CIMIP4: variants seen among roughly 807,000 people sequenced by gnomAD.
The protein encoded by CIMIP4 is protein EAN57.
the CIMIP4 span, among the ~76,000 whole-genome samples, chr22:37,005,252 C>A: frequency 2.0e-5 from 3 of 152,140 alleles, no homozygotes; most frequent in African/African-American, 7.2e-5. Context: ...GCCTGGATGA[C>A]ACTTTCATTA....
At chr22:36,993,695 C>T in the CIMIP4 span, among the ~76,000 whole-genome samples, 52 of 151,768 alleles carry the variant, frequency 3.4e-4, no homozygotes, top group African/African-American at 1.2e-3. Context: ...CGCCACTGCA[C>T]TCCAGCCTGG....
chr22:37,007,019 G>T, the CIMIP4 span, among the ~76,000 whole-genome samples: 5 of 152,146 alleles, frequency 3.3e-5, no homozygotes, highest in Admixed American at 3.3e-4. Flanking sequence ...AGAGTAGCTG[G>T]ATCCTGCCAT....
chr22:37,001,067 G>C, the CIMIP4 span, among the ~76,000 whole-genome samples: 1 of 152,064 alleles, frequency 6.6e-6, no homozygotes, highest in African/African-American at 2.4e-5. Flanking sequence ...TTGAGATGGT[G>C]GCTTTAAAAA....
the CIMIP4 span, chr22:37,004,132 C>A: frequency 2.6e-5 from 27 of 1,050,234 alleles, no homozygotes; most frequent in Non-Finnish European, 3.6e-5. Flanking sequence ...TCTGCCCGCC[C>A]CTGATCAGAG....
the CIMIP4 span, among the ~76,000 whole-genome samples, chr22:37,002,960 G>T: frequency 6.6e-6 from 1 of 152,108 alleles, no homozygotes; most frequent in African/African-American, 2.4e-5. Context: ...CACAGCCTCC[G>T]CTTCTCTAGG....
chr22:36,994,921 C>G, the CIMIP4 span, among the ~76,000 whole-genome samples: 1 of 152,216 alleles, frequency 6.6e-6, no homozygotes, highest in African/African-American at 2.4e-5. Flanking sequence ...TGAGCCACTG[C>G]GCCCGGCCTG....
At chr22:37,003,734 C>T in the CIMIP4 span, among the ~76,000 whole-genome samples, 28 of 152,296 alleles carry the variant, frequency 1.8e-4, no homozygotes, top group Non-Finnish European at 3.5e-4. Flanking sequence ...GAGACCATAT[C>T]GGGGTGATAA....
chr22:36,998,845 A>C, the CIMIP4 span, among the ~76,000 whole-genome samples: 3 of 152,088 alleles, frequency 2.0e-5, no homozygotes, highest in African/African-American at 7.2e-5. Context: ...AAGAAAAATG[A>C]TAGCCTGACA....
the CIMIP4 span, chr22:36,991,676 C>T: frequency 4.8e-4 from 529 of 1,109,746 alleles, 1 homozygote; most frequent in African/African-American, 7.1e-3. Flanking sequence ...TCAGTTTCCT[C>T]TACGGATGGT....
chr22:36,998,124 A>C, the CIMIP4 span, among the ~76,000 whole-genome samples: 112 of 152,218 alleles, frequency 7.4e-4, no homozygotes, highest in Non-Finnish European at 1.3e-3. Flanking sequence ...GGATGATGGG[A>C]CATGGACATT....
At chr22:36,994,303 G>A in the CIMIP4 span, among the ~76,000 whole-genome samples, 5 of 151,870 alleles carry the variant, frequency 3.3e-5, no homozygotes, top group African/African-American at 1.2e-4. Flanking sequence ...CCTTACCCAA[G>A]AGATTGTTAT....
the CIMIP4 span, chr22:36,999,804 G>A: frequency 6.3e-5 from 100 of 1,593,768 alleles, no homozygotes; most frequent in Middle Eastern, 1.7e-4. Context: ...GGAGACCATG[G>A]GTGTTCACGG....
At chr22:37,003,937 T>C in the CIMIP4 span, 13 of 1,541,628 alleles carry the variant, frequency 8.4e-6, no homozygotes, top group East Asian at 2.7e-4. Context: ...GGATGTGCAT[T>C]CAGCACATCC....
chr22:37,005,736 T>C, the CIMIP4 span, among the ~76,000 whole-genome samples: 1 of 152,120 alleles, frequency 6.6e-6, no homozygotes, highest in Non-Finnish European at 1.5e-5. Flanking sequence ...AGCTAAAGAG[T>C]TCCAAAGAAA....
chr22:36,991,216 T>C, the CIMIP4 span: 132,833 of 1,614,006 alleles, frequency 0.082, 6,142 homozygotes, highest in Admixed American at 0.15. Flanking sequence ...GTTTTCTCCA[T>C]ATTTCTCTTC....
At chr22:36,999,590 T>TGGG in the CIMIP4 span, among the ~76,000 whole-genome samples, 1 of 6,808 alleles carries the variant, frequency 1.5e-4, no homozygotes, top group Non-Finnish European at 2.4e-4. Context: ...GAGGGGGGGA[T>TGGG]GGGAGGGGAG....
chr22:37,003,094 A>G, the CIMIP4 span, among the ~76,000 whole-genome samples: 1 of 152,264 alleles, frequency 6.6e-6, no homozygotes, highest in African/African-American at 2.4e-5. Flanking sequence ...AAGATACATA[A>G]GGGCTGGGCA....
the CIMIP4 span, chr22:37,002,371 G>T: frequency 1.1e-6 from 1 of 891,690 alleles, no homozygotes; most frequent in Non-Finnish European, 1.5e-6. Flanking sequence ...AAAGTAGAGG[G>T]TGGGGAGGGG....
At chr22:37,003,668 C>T in the CIMIP4 span, among the ~76,000 whole-genome samples, 4 of 152,198 alleles carry the variant, frequency 2.6e-5, no homozygotes, top group Non-Finnish European at 5.9e-5. Flanking sequence ...TCCCCCACAG[C>T]CCTGCCCTTC....
Sources: allele counts gnomAD v4.1 joint callset (sites outside exome capture counted in the v4.1 genomes callset), GRCh38; gene constraint gnomAD v4.1.1; transcripts MANE v1.5; gene names NCBI Gene and HGNC (gene_info 2026-07-23, HGNC 2026-07-21).